Variants in PAXIP1 observed in about 807,000 individuals in gnomAD.
PAXIP1 encodes PAX interacting protein 1.
A neutral mutation model predicts 140.6 loss-of-function variants in PAXIP1; 19 were observed. That is an observed-to-expected ratio of 0.14 (90% CI 0.09 to 0.20). The LOEUF is 0.20. Ranked by LOEUF, PAXIP1 falls within the 10% of genes least tolerant of loss-of-function variation. PAXIP1 has a pLI of 1.00. For missense variants in PAXIP1, 920 were observed against 1,208.6 expected (o/e 0.76, Z 3.54); for synonymous variants, 442 against 444.6 (o/e 0.99, Z 0.07).
chr7:154,978,100 A>G (rs937374184), intron 5 of PAXIP1, among the ~76,000 whole-genome samples: 1 of 152,208 alleles, frequency 6.6e-6, no homozygotes, highest in African/African-American at 2.4e-5. Flanking sequence ...TCAAATTGAT[A>G]AAGACTTTCT....
intron 1 of PAXIP1, chr7:155,000,320 A>T (rs1810832533): frequency 6.6e-6 from 1 of 152,240 alleles, no homozygotes; most frequent in African/African-American, 2.4e-5. Flanking sequence ...TTGACCTCTA[A>T]GCATTTTTAG....
At chr7:154,958,515 T>G (rs917710928) in intron 13 of PAXIP1, among the ~76,000 whole-genome samples, 1 of 152,258 alleles carries the variant, frequency 6.6e-6, no homozygotes, top group African/African-American at 2.4e-5. Context: ...CTGTCATACA[T>G]AGAGAATCAA....
At chr7:154,994,913 A>G (rs556639086) in intron 2 of PAXIP1, among the ~76,000 whole-genome samples, 43 of 152,304 alleles carry the variant, frequency 2.8e-4, no homozygotes, top group African/African-American at 8.9e-4. Flanking sequence ...CTTATCCAAC[A>G]TATCTTCACA....
intron 4 of PAXIP1, among the ~76,000 whole-genome samples, chr7:154,989,840 T>A (rs768342331): frequency 6.6e-6 from 1 of 152,146 alleles, no homozygotes. Flanking sequence ...TCTTTACAAG[T>A]TTTCATAAAA....
At chr7:154,982,866 G>C (rs549930763) in intron 5 of PAXIP1, among the ~76,000 whole-genome samples, 79 of 151,694 alleles carry the variant, frequency 5.2e-4, no homozygotes, top group Non-Finnish European at 1.0e-3. Context: ...CCTGATACAA[G>C]GTTCTTAAAA....
At position 154,961,074 on chromosome 7, in the gene PAXIP1, T is replaced by G. The variant is rs1211105338; in HGVS notation, c.2253A>C (p.Pro751=). ...TGGCTTTTTCATACTTTAAACCAGT[T>G]GGTCTTTTTATTTTTTGAGGAGAAA... is the stretch of plus-strand genomic sequence containing the variant. The part of the protein sequence containing the change: ...RSNTVLICKE[P]TGLKYEKAKE... The change falls in exon 12 of 21, where the codon CCA becomes CCC. Residue 751 remains proline (P), a synonymous_variant. Coordinates refer to ENST00000404141, the MANE Select transcript of PAXIP1 (RefSeq NM_007349.4). 1 of 1,551,820 alleles carries G rather than the reference T, an allele frequency of 6.4e-7. No individual in the cohort carries two copies.
In PAXIP1 at chr7:154,963,683, G is replaced by T; in HGVS notation, c.1977C>A (p.Ser659Arg). The T allele has an allele frequency of 1.9e-6, 3 of 1,612,284 alleles. No individual in the cohort carries two copies. The highest frequency in any genetic ancestry group is 1.7e-5 in the Admixed American group (1 of 59,926). The change falls in exon 9 of 21, where the codon AGC becomes AGA. Residue 659 changes from serine (S) to arginine (R), a missense_variant. Ser to Arg is a moderately radical substitution (Grantham distance 110). Transcript: ENST00000404141. The surrounding 1 kb of genome is among the most constrained non-coding windows in gnomAD (Gnocchi z 4.1). Reference sequence around the variant, plus strand: ...CTATTTTCCTTACCTGTGCATACGCGCTGCTGACTTGACTCTCACAGAGAA... The same window carrying T: ...CTATTTTCCTTACCTGTGCATACGCTCTGCTGACTTGACTCTCACAGAGAA... ...THLLCESQVS[S>R]AYAQAIRERK...
intron 4 of PAXIP1, among the ~76,000 whole-genome samples, chr7:154,990,037 C>CTTTTTTTTTTTTTTTT (rs749788206): frequency 9.1e-6 from 1 of 109,948 alleles, no homozygotes; most frequent in Non-Finnish European, 1.8e-5. Context: ...ATAAGTTTCT[C>CTTTTTTTTTTTTTTTT]TTTTTTTTTT....
chr7:154,955,176 T>G (rs1286286336), intron 15 of PAXIP1, among the ~76,000 whole-genome samples: 1 of 152,202 alleles, frequency 6.6e-6, no homozygotes, highest in Non-Finnish European at 1.5e-5. Flanking sequence ...TTGGATAGAC[T>G]GTGTTTCAAT....
intron 20 of PAXIP1, chr7:154,945,693 A>G: frequency 1.0e-6 from 1 of 985,438 alleles, no homozygotes; most frequent in Non-Finnish European, 1.2e-6. Context: ...GTGCTCTGCA[A>G]TGGGAAACGG....
intron 1 of PAXIP1, among the ~76,000 whole-genome samples, chr7:155,002,629 G>A (rs35459209): frequency 6.6e-6 from 1 of 151,722 alleles, no homozygotes; most frequent in Non-Finnish European, 1.5e-5. Context: ...CCGAGGTACA[G>A]AGCCCCAGCC....
intron 2 of PAXIP1, among the ~76,000 whole-genome samples, chr7:154,994,067 C>G (rs1585085563): frequency 6.6e-6 from 1 of 152,098 alleles, no homozygotes; most frequent in East Asian, 1.9e-4. Flanking sequence ...GACAGGGGAA[C>G]TGCCACCCAT....
At position 154,973,907 on chromosome 7, in the gene PAXIP1, G is replaced by C. The variant is rs1411243128; in HGVS notation, c.1074+1789C>G. 6.6e-6 allele frequency among the ~76,000 whole-genome samples: 1 copy of C among 152,172 alleles called. No individual in the cohort carries two copies. ...TATGAAATGAAAGTGTCCAGAACAA[G>C]GTGAAGCGGCAGACGGGGTGTCACC... On this transcript the variant is annotated intron_variant, in intron 6 of 20. Transcript: ENST00000404141. This position sits in a 1 kb window ranked among gnomAD's most constrained non-coding sequence, Gnocchi z 4.0.
chr7:154,946,428 G>A lies in PAXIP1; in HGVS notation c.3134-3C>T. On this transcript the variant is annotated splice_region_variant and splice_polypyrimidine_tract_variant and intron_variant, in intron 19 of 20. Coordinates refer to ENST00000404141, the MANE Select transcript of PAXIP1 (RefSeq NM_007349.4). The surrounding 1 kb of genome is among the most constrained non-coding windows in gnomAD (Gnocchi z 4.9). ...AACGAACTCTGCATTGTGAACATCT[G>A]AACAGGGTGGAAACAGACACTTTAG... is the stretch of plus-strand genomic sequence containing the variant. 1 of 1,613,146 alleles carries A rather than the reference G, an allele frequency of 6.2e-7. No homozygotes were observed. Among genetic ancestry groups the A allele is most frequent in the Admixed American group, 1.7e-5 (1 of 60,012 alleles).
In PAXIP1 at chr7:154,968,430, G is replaced by C; in HGVS notation, c.1771C>G (p.Leu591Val). 6.5e-7 allele frequency: 1 copy of C among 1,546,176 alleles called. No homozygotes were observed. Among genetic ancestry groups the C allele is most frequent in the South Asian group, 1.2e-5 (1 of 83,834 alleles). ...QPPPSPQQHQ[L>V]FGHDPAVEIP... is the part of the protein sequence containing the mutation. ...TCCACTGCTGGATCATGTCCAAAAAGCTGATGCTGCTGAGGCGATGGTGGT... is the reference window on the plus strand; with the variant it reads ...TCCACTGCTGGATCATGTCCAAAAACCTGATGCTGCTGAGGCGATGGTGGT... Residue 591 changes from leucine to valine, a missense_variant, in exon 7 of 21, where the codon CTT becomes GTT. Physicochemically the swap from Leu to Val is conservative, Grantham distance 32. Transcript: ENST00000404141.
chr7:154,961,127 A>C, intron 11 of PAXIP1, 50 bp from the exon 12 acceptor site: 1 of 1,312,738 alleles, frequency 7.6e-7, no homozygotes, highest in Non-Finnish European at 1.0e-6. Context: ...TAGAGATGTC[A>C]ACTGTCCAAA....
chr7:154,976,037 C>G lies in PAXIP1; in HGVS notation c.733G>C (p.Gly245Arg), dbSNP rs931082587. ...SPKSNTEKSK[G>R]ELMFDDSSDS... Reference sequence around the variant, plus strand: ...GAAGAATCATCAAACATTAATTCCCCTTTAGATTTTTCAGTGTTGGATTTA... The same window carrying G: ...GAAGAATCATCAAACATTAATTCCCGTTTAGATTTTTCAGTGTTGGATTTA... Residue 245 changes from glycine (G) to arginine (R), a missense_variant, in exon 6 of 21, where the codon GGG (glycine) becomes CGG (arginine). By Grantham distance (125) the Gly-to-Arg change is moderately radical. This residue lies in a region of PAXIP1 where 419 missense variants were observed against 514.7 expected (regional missense o/e 0.81). Transcript: ENST00000404141. 6.2e-7 allele frequency: 1 copy of G among 1,608,350 alleles called. No individual in the cohort carries two copies. Among genetic ancestry groups the G allele is most frequent in the East Asian group, 2.2e-5 (1 of 44,796 alleles).
At chr7:154,998,580 G>A in intron 2 of PAXIP1, 70 bp downstream of exon 2, 1 of 1,137,002 alleles carries the variant, frequency 8.8e-7, no homozygotes. Flanking sequence ...AAGAGCTATA[G>A]TGAAACTTCA....
In PAXIP1 at chr7:154,976,253, T is replaced by G. The variant is rs763691936; in HGVS notation, c.517A>C (p.Lys173Gln). 2 of 1,614,056 alleles carry G rather than the reference T, an allele frequency of 1.2e-6. No individual in the cohort carries two copies. The highest frequency in any genetic ancestry group is 2.2e-5 in the South Asian group (2 of 91,070). The part of the protein sequence containing the change: ...PDWVLDCVSE[K>Q]TKKDEAFYHP... ...TAAAATGCTTCGTCCTTTTTGGTTT[T>G]CTCTGATACGCAATCCAGAACCCAG... Residue 173 changes from lysine (K) to glutamine (Q), a missense_variant, in exon 6 of 21, where the codon AAA (lysine) becomes CAA (glutamine). Transcript: ENST00000404141.
Sources: gnomAD v4.1 joint callset for allele counts (sites outside exome capture counted in the v4.1 genomes callset) on GRCh38, gnomAD v4.1.1 for gene constraint, gnomAD v4.1.1 regional missense constraint, Gnocchi (gnomAD v3.1) non-coding constraint, MANE v1.5 for transcripts, NCBI Gene and HGNC (gene_info 2026-07-23, HGNC 2026-07-21) for gene names.